The following SCNN1G variants were observed in gnomAD, a reference collection of about 807,000 sequenced individuals.
SCNN1G encodes sodium channel epithelial 1 subunit gamma.
Under a neutral mutation model 64.6 loss-of-function variants are expected in SCNN1G, and 27 were observed. That is an observed-to-expected ratio of 0.42 (90% CI 0.31 to 0.58). SCNN1G has a LOEUF of 0.58. Ranked by LOEUF, SCNN1G falls within the 20% of genes least tolerant of loss-of-function variation. The pLI, the probability that SCNN1G is intolerant of heterozygous loss-of-function variation, is 0.18. For synonymous variants in SCNN1G, 330 were observed against 314.2 expected, an observed-to-expected ratio of 1.05 and a Z score of -0.53; for missense variants, 743 against 823.4, an observed-to-expected ratio of 0.90 and a Z score of 1.19.
At chr16:23,204,180 C>T (rs1959938765) in intron 6 of SCNN1G, among the ~76,000 whole-genome samples, 3 of 149,830 alleles carry the variant, frequency 2.0e-5, no homozygotes, top group African/African-American at 4.9e-5. Context: ...TTGGGAGGCT[C>T]ATGCGGGAGG....
rs181293241 is a variant in SCNN1G, at chr16:23,198,700, T to C, written c.1077+1273T>C. Among the ~76,000 whole-genome samples, 398 of 150,968 alleles carry C rather than the reference T, an allele frequency of 2.6e-3. 2 individuals are homozygous for C. Among genetic ancestry groups the C allele is most frequent in the Non-Finnish European group, 3.6e-3 (247 of 67,770 alleles). ...GCTTCAGTGAGCCATGATTGTACCA[T>C]TGCACTCCAGTCTCGGTGACAGAGT... is the stretch of plus-strand genomic sequence containing the variant. On this transcript the variant is annotated intron_variant, in intron 6 of 12. Coordinates refer to ENST00000300061, the MANE Select transcript of SCNN1G (RefSeq NM_001039.4).
rs781652545 is a variant in SCNN1G at position 23,186,343 on chromosome 16, C to T, written c.72C>T (p.Thr24=). The T allele has an allele frequency of 3.7e-6, 6 of 1,614,248 alleles. No individual in the cohort carries two copies. Among genetic ancestry groups the T allele is most frequent in the Non-Finnish European group, 4.2e-6 (5 of 1,180,050 alleles). Residue 24 remains threonine (T), a synonymous_variant, in exon 2 of 13, where the codon ACC becomes ACT. Coordinates refer to ENST00000300061, the MANE Select transcript of SCNN1G (RefSeq NM_001039.4). ...CCGTGACGGGCCCTCAGGCGCCGACCATTAAAGAGCTGATGCGGTGGTACT... is the reference window on the plus strand; with the variant it reads ...CCGTGACGGGCCCTCAGGCGCCGACTATTAAAGAGCTGATGCGGTGGTACT... ...NLPVTGPQAP[T]IKELMRWYCL...
At chr16:23,183,425 G>A (rs771938421) in intron 1 of SCNN1G, among the ~76,000 whole-genome samples, 3 of 152,184 alleles carry the variant, frequency 2.0e-5, no homozygotes, top group Non-Finnish European at 2.9e-5. Context: ...GCACTGATCG[G>A]GAACTCTCCG....
rs1375480701 is a variant in SCNN1G, at chr16:23,216,644, T to C, written c.*1175T>C. On this transcript the variant is annotated 3_prime_UTR_variant, in exon 13 of 13. Transcript: ENST00000300061. ...ATTTTATTTTATTTTATTTTTTATT[T>C]TTTGTAGAAATAGGATCTCACTATG... is the stretch of plus-strand genomic sequence containing the variant. The C allele has an allele frequency of 1.3e-5, 2 of 152,300 alleles. No individual in the cohort carries two copies. Among genetic ancestry groups the C allele is most frequent in the East Asian group, 3.9e-4 (2 of 5,188 alleles). The allele number at this position is 152,300 out of a possible 1,614,324, so 9.4% of individuals were successfully genotyped here.
intron 2 of SCNN1G, among the ~76,000 whole-genome samples, chr16:23,187,143 C>T (rs4620961): frequency 0.19 from 27,026 of 144,494 alleles, 3,035 homozygotes; most frequent in Admixed American, 0.29. Flanking sequence ...GGGTCTCACT[C>T]TGTCACCCAA....
At position 23,194,252 on chromosome 16, in the gene SCNN1G, C is replaced by T. The variant is rs777290273; in HGVS notation, c.891C>T (p.Thr297=). The change falls in exon 5 of 13, where the codon ACC becomes ACT. Residue 297 remains threonine, a synonymous_variant. Transcript: ENST00000300061. The part of the protein sequence containing the change: ...NNRENETILS[T]SMGGSEYGLQ... ...GAGAAAATGAGACCATTCTCAGCAC[C>T]TCCATGGGGGGCAGCGAATATGGTA... 1.6e-5 allele frequency: 25 copies of T among 1,611,992 alleles called. No homozygotes were observed. Among genetic ancestry groups the T allele is most frequent in the Middle Eastern group, 1.6e-4 (1 of 6,080 alleles).
At chr16:23,204,334 T>TATATATATATATATATATATATAGAGAG (rs1567267153) in intron 6 of SCNN1G, among the ~76,000 whole-genome samples, 2 of 15,172 alleles carry the variant, frequency 1.3e-4, no homozygotes, top group Non-Finnish European at 2.2e-4. Context: ...TATATATATA[T>TATATATATATATATATATATATAGAGAG]AGAGAGAGAG....
chr16:23,209,894 C>A (rs2141943366), intron 7 of SCNN1G, 46 bp downstream of exon 7: 1 of 1,361,072 alleles, frequency 7.3e-7, no homozygotes, highest in Non-Finnish European at 1.1e-6. Flanking sequence ...ATGGCCCGGA[C>A]CCAGGAGACA....
chr16:23,207,135 C>A (rs1960003853), intron 6 of SCNN1G, among the ~76,000 whole-genome samples: 1 of 152,192 alleles, frequency 6.6e-6, no homozygotes, highest in South Asian at 2.1e-4. Flanking sequence ...ACTCAGAAAG[C>A]GTTGAAATCC....
intron 1 of SCNN1G, among the ~76,000 whole-genome samples, chr16:23,183,972 T>A (rs992995253): frequency 5.3e-5 from 8 of 152,144 alleles, no homozygotes; most frequent in Admixed American, 5.2e-4. Flanking sequence ...GATACCTACC[T>A]CAGACGATTA....
In SCNN1G at chr16:23,209,868, A is replaced by G. The variant is rs1960051726; in HGVS notation, c.1176+20A>G. ...CTCCAGGTAACAGATTGGCAGGGGC[A>G]CCCAGCCCTGGGTTTATGGCCCGGA... On this transcript the variant is annotated intron_variant, in intron 7 of 12. Transcript: ENST00000300061. 1 of 1,570,866 alleles carries G rather than the reference A, an allele frequency of 6.4e-7. No individual in the cohort carries two copies. The highest frequency in any genetic ancestry group is 1.7e-5 in the Admixed American group (1 of 59,958).
intron 6 of SCNN1G, among the ~76,000 whole-genome samples, chr16:23,202,085 G>A (rs998456810): frequency 1.3e-5 from 2 of 152,164 alleles, no homozygotes; most frequent in African/African-American, 4.8e-5. Context: ...CCAAAGTGCT[G>A]GGATTATAGA....
intron 6 of SCNN1G, among the ~76,000 whole-genome samples, chr16:23,199,081 T>C (rs552777863): frequency 6.6e-6 from 1 of 151,848 alleles, no homozygotes; most frequent in East Asian, 1.9e-4. Flanking sequence ...TACCAAGGAG[T>C]GTACCAAGCA....
intron 1 of SCNN1G, among the ~76,000 whole-genome samples, chr16:23,184,743 G>A (rs1210818454): frequency 2.8e-5 from 4 of 143,688 alleles, no homozygotes; most frequent in Non-Finnish European, 6.2e-5. Flanking sequence ...ATGGGTTCAG[G>A]GTGGGAAAAA....
At position 23,192,281 on chromosome 16, in the gene SCNN1G, A is replaced by C. The variant is rs72646499; in HGVS notation, c.619-71A>C. On this transcript the variant is annotated intron_variant, in intron 3 of 12. Transcript: ENST00000300061. ...ATCTGGCCTGGAGTCTCAGTCACTC[A>C]TTCTTATGGTCCTTCTGAAGAGTAG... The C allele has an allele frequency of 5.2e-3, 6,689 of 1,276,036 alleles. 51 individuals are homozygous for C. Among genetic ancestry groups the C allele is most frequent in the Middle Eastern group, 0.014 (60 of 4,372 alleles). The allele number at this position is 1,276,036 out of a possible 1,614,324, so 79.0% of individuals were successfully genotyped here. A position where few individuals can be genotyped will look rare whatever the true frequency, so the allele number is the denominator to read the frequency against.
At chr16:23,214,995 G>T in intron 12 of SCNN1G, 94 bp from the exon 13 acceptor site, 1 of 1,466,818 alleles carries the variant, frequency 6.8e-7, no homozygotes. Context: ...CAGGGTCGGG[G>T]CTGACCCGTG....
In SCNN1G at chr16:23,214,774, G is replaced by A; in HGVS notation, c.1556G>A (p.Ser519Asn). The A allele has an allele frequency of 6.2e-7, 1 of 1,613,854 alleles. No individual in the cohort carries two copies. Among genetic ancestry groups the A allele is most frequent in the Non-Finnish European group, 8.5e-7 (1 of 1,179,750 alleles). Residue 519 changes from serine to asparagine, a missense_variant, in exon 12 of 13, where the codon AGC becomes AAC. Transcript: ENST00000300061. Reference sequence around the variant, plus strand: ...CTGAACCAGAGATCCATCATGGAGAGCCCAGCCAACAGTGTGAGTAGAGTG... The same window carrying A: ...CTGAACCAGAGATCCATCATGGAGAACCCAGCCAACAGTGTGAGTAGAGTG... ...KDLNQRSIME[S>N]PANSIEMLLS...
At chr16:23,189,927 G>T (rs577580183) in intron 3 of SCNN1G, among the ~76,000 whole-genome samples, 15 of 152,234 alleles carry the variant, frequency 9.9e-5, no homozygotes, top group African/African-American at 3.6e-4. Flanking sequence ...AAAATTAGCT[G>T]GGCATGGTGG....
At chr16:23,187,967 ACTCT>A (rs1229427709) in intron 2 of SCNN1G, among the ~76,000 whole-genome samples, 6 of 150,544 alleles carry the variant, frequency 4.0e-5, no homozygotes, top group African/African-American at 1.2e-4. Context: ...CAAGTCTAAG[ACTCT>A]CTCTCCGCCC....
Sources: allele counts gnomAD v4.1 joint callset (sites outside exome capture counted in the v4.1 genomes callset), GRCh38; gene constraint gnomAD v4.1.1; transcripts MANE v1.5; gene names NCBI Gene and HGNC (gene_info 2026-07-23, HGNC 2026-07-21).